The following SMURF2 variants were observed in gnomAD, a reference collection of about 807,000 sequenced individuals.
SMURF2 encodes the protein SMAD specific E3 ubiquitin protein ligase 2.
Under a neutral mutation model 109.6 loss-of-function variants are expected in SMURF2, and 48 were observed. The ratio of observed to expected loss-of-function variants is 0.44; its 90% CI spans 0.35 to 0.56. SMURF2 has a LOEUF of 0.56. Ranked by LOEUF, SMURF2 falls within the 20% of genes least tolerant of loss-of-function variation. SMURF2 has a pLI of 0.01. For synonymous variants in SMURF2, 288 were observed against 317.1 expected, an observed-to-expected ratio of 0.91 and a Z score of 0.97; for missense variants, 575 against 909.0, an observed-to-expected ratio of 0.63 and a Z score of 4.72.
At chr17:64,641,464 T>C (rs1970492376) in intron 1 of SMURF2, among the ~76,000 whole-genome samples, 1 of 152,160 alleles carries the variant, frequency 6.6e-6, no homozygotes, top group Admixed American at 6.6e-5. Flanking sequence ...GGAGTTCATG[T>C]TCCCTCTCCT....
At chr17:64,552,004 T>A (rs1449266654) in intron 15 of SMURF2, among the ~76,000 whole-genome samples, 2 of 152,222 alleles carry the variant, frequency 1.3e-5, no homozygotes, top group African/African-American at 2.4e-5. Context: ...TTGATGAAAT[T>A]TCTTTCTAAA....
At chr17:64,578,102 C>T (rs1297989425) in intron 9 of SMURF2, among the ~76,000 whole-genome samples, 5 of 151,936 alleles carry the variant, frequency 3.3e-5, no homozygotes, top group Non-Finnish European at 7.4e-5. Context: ...CGCGCCACCA[C>T]GCCCAGCTCA....
At chr17:64,573,982 T>C (rs1316534307) in intron 9 of SMURF2, among the ~76,000 whole-genome samples, 1 of 151,710 alleles carries the variant, frequency 6.6e-6, no homozygotes, top group Non-Finnish European at 1.5e-5. Flanking sequence ...TATCAGAGGG[T>C]GGAAGGTGGA....
chr17:64,600,698 C>T (rs1243716800), intron 2 of SMURF2, among the ~76,000 whole-genome samples: 9 of 152,218 alleles, frequency 5.9e-5, no homozygotes, highest in African/African-American at 1.9e-4. Flanking sequence ...TTCAGTAACA[C>T]CTAACCATTT....
chr17:64,572,082 T>A, intron 9 of SMURF2, 126 bp from the exon 10 acceptor site: 1 of 792,960 alleles, frequency 1.3e-6, no homozygotes, highest in Non-Finnish European at 1.8e-6. Context: ...CTTGAGATGT[T>A]CAGCTGGAAT....
intron 10 of SMURF2, among the ~76,000 whole-genome samples, chr17:64,568,100 C>T (rs1449084210): frequency 6.6e-6 from 1 of 152,144 alleles, no homozygotes; most frequent in African/African-American, 2.4e-5. Context: ...GTGATCCACC[C>T]GCCTTGGCCT....
At chr17:64,608,628 T>A (rs1970003934) in intron 1 of SMURF2, among the ~76,000 whole-genome samples, 1 of 152,078 alleles carries the variant, frequency 6.6e-6, no homozygotes, top group Admixed American at 6.6e-5. Context: ...CAAACCACTA[T>A]CCTATGATTC....
chr17:64,620,293 C>G (rs1171773887), intron 1 of SMURF2, among the ~76,000 whole-genome samples: 1 of 152,188 alleles, frequency 6.6e-6, no homozygotes, highest in Non-Finnish European at 1.5e-5. Flanking sequence ...ACCCCTAAAG[C>G]TTGTGAGTTA....
chr17:64,635,275 CGA>C (rs1160787065), intron 1 of SMURF2, among the ~76,000 whole-genome samples: 6 of 151,504 alleles, frequency 4.0e-5, no homozygotes, highest in African/African-American at 1.5e-4. Flanking sequence ...TGCGGTGAGC[CGA>C]GATCACACCA....
intron 15 of SMURF2, among the ~76,000 whole-genome samples, chr17:64,554,378 T>A (rs782806447): frequency 3.3e-5 from 5 of 152,168 alleles, no homozygotes; most frequent in Non-Finnish European, 7.3e-5. Context: ...GGCCACCCCA[T>A]AAGAAGTCTG....
At chr17:64,648,817 T>C (rs1320007545) in intron 1 of SMURF2, among the ~76,000 whole-genome samples, 3 of 152,134 alleles carry the variant, frequency 2.0e-5, no homozygotes, top group African/African-American at 4.8e-5. Context: ...GTACTACATA[T>C]GCAGCACTAT....
chr17:64,553,911 CAG>C (rs1370510369), intron 15 of SMURF2, among the ~76,000 whole-genome samples: 2 of 152,308 alleles, frequency 1.3e-5, no homozygotes, highest in East Asian at 3.9e-4. Flanking sequence ...AATCTATACA[CAG>C]AAAGTATATC....
At chr17:64,600,568 G>A (rs1969880442) in intron 2 of SMURF2, among the ~76,000 whole-genome samples, 2 of 152,210 alleles carry the variant, frequency 1.3e-5, no homozygotes, top group East Asian at 1.9e-4. Context: ...GTGATCTATC[G>A]CTTCCAAATA....
intron 16 of SMURF2, among the ~76,000 whole-genome samples, chr17:64,549,662 A>G (rs1969012415): frequency 6.6e-6 from 1 of 152,214 alleles, no homozygotes; most frequent in Non-Finnish European, 1.5e-5. Flanking sequence ...AGGCTGAGGC[A>G]CGAGAATCGC....
chr17:64,560,227 T>A (rs1279179400), intron 12 of SMURF2, among the ~76,000 whole-genome samples: 1 of 151,886 alleles, frequency 6.6e-6, no homozygotes, highest in Non-Finnish European at 1.5e-5. Context: ...TCTAAAAAAC[T>A]AAATAAATAA....
intron 15 of SMURF2, among the ~76,000 whole-genome samples, chr17:64,552,799 G>T (rs1969064123): frequency 6.6e-6 from 1 of 152,142 alleles, no homozygotes; most frequent in African/African-American, 2.4e-5. Context: ...CACCTCCCAG[G>T]TTCAAGCGGT....
At chr17:64,626,232 C>A (rs1370535099) in intron 1 of SMURF2, among the ~76,000 whole-genome samples, 3 of 141,594 alleles carry the variant, frequency 2.1e-5, no homozygotes, top group Non-Finnish European at 4.5e-5. Context: ...ACACTCCAGG[C>A]TGGGTGACAG....
rs797035213 is a variant in SMURF2 at position 64,586,078 on chromosome 17, T to G, written c.485+8A>C. The G allele has an allele frequency of 5.6e-6, 9 of 1,594,994 alleles. No homozygotes were observed. The African/African-American group carries it at 1.2e-4, about 21-fold the overall frequency. ...ATTTCTCTAATGATTTCAGTGATGTTAGCTTACCCGTCTGGTAAATCGTTA... is the reference window on the plus strand; with the variant it reads ...ATTTCTCTAATGATTTCAGTGATGTGAGCTTACCCGTCTGGTAAATCGTTA... On this transcript the variant is annotated splice_region_variant and intron_variant, in intron 6 of 18. Transcript: ENST00000262435.
At chr17:64,598,273 C>G in intron 3 of SMURF2, 109 bp downstream of exon 3, 2 of 972,848 alleles carry the variant, frequency 2.1e-6, no homozygotes, top group Non-Finnish European at 2.9e-6. Context: ...TTTGTGATGA[C>G]CAAATTATAC....
Sources: allele counts gnomAD v4.1 joint callset (sites outside exome capture counted in the v4.1 genomes callset), GRCh38; gene constraint gnomAD v4.1.1; transcripts MANE v1.5; gene names NCBI Gene and HGNC (gene_info 2026-07-23, HGNC 2026-07-21).